Variants in AADACL3 observed in about 807,000 individuals in gnomAD.
AADACL3 encodes arylacetamide deacetylase like 3, also known as arylacetamide deacetylase-like 3.
In AADACL3, 13 loss-of-function variants were observed where a neutral mutation model predicts 13.6. The observed-to-expected ratio is 0.95, with a 90% CI of 0.62 to 1.52. AADACL3 has a LOEUF of 1.52. Among genes scored for constraint, AADACL3 ranks in the 40% most tolerant of loss-of-function variants. AADACL3 has a pLI of 0.00. For synonymous variants in AADACL3, 195 were observed against 197.0 expected (o/e 0.99, Z 0.08); for missense variants, 519 against 499.2 (o/e 1.04, Z -0.38).
At chr1:12,723,634 C>T (rs538446979) in intron 3 of AADACL3, among the ~76,000 whole-genome samples, 4 of 152,024 alleles carry the variant, frequency 2.6e-5, no homozygotes, top group African/African-American at 4.8e-5. Flanking sequence ...CACACCACCA[C>T]GCCTGGCTAA....
At chr1:12,717,122 C>A (rs187620180) in intron 1 of AADACL3, among the ~76,000 whole-genome samples, 1 of 152,160 alleles carries the variant, frequency 6.6e-6, no homozygotes, top group Admixed American at 6.5e-5. Flanking sequence ...TCTTACATAA[C>A]GAAAAGCAAT....
In AADACL3 at chr1:12,718,621, C is replaced by T. The variant is rs561313102; in HGVS notation, c.169-854C>T. On this transcript the variant is annotated intron_variant, in intron 1 of 3. Coordinates refer to ENST00000359318, the MANE Select transcript of AADACL3 (RefSeq NM_001103170.3). Reference sequence around the variant, plus strand: ...AAGAGATTCTTCTGCCTCAGCCTCTCGAGTAGCCGGGAATACAGGAGCCCA... The same window carrying T: ...AAGAGATTCTTCTGCCTCAGCCTCTTGAGTAGCCGGGAATACAGGAGCCCA... Among the ~76,000 whole-genome samples, 14 of 152,164 alleles carry T rather than the reference C, an allele frequency of 9.2e-5. No homozygotes were observed. In the East Asian group the frequency reaches 9.7e-4, roughly 10 times the overall value.
intron 1 of AADACL3, among the ~76,000 whole-genome samples, chr1:12,718,361 A>G (rs1281872181): frequency 1.1e-4 from 11 of 95,928 alleles, no homozygotes; most frequent in Non-Finnish European, 1.2e-4. Flanking sequence ...CTTCTCTCCA[A>G]AAAAAAAAAA....
In AADACL3 at chr1:12,719,562, G is replaced by A. The variant is rs78526061; in HGVS notation, c.256G>A (p.Asp86Asn). ...TCTGCCTCCGCTAAAGTATGACCCC[G>A]ATGTTGTGGTCACGGATTTCCGCTT... is the stretch of plus-strand genomic sequence containing the variant. ...QDLPPLKYDP[D>N]VVVTDFRFGT... The change falls in exon 2 of 4, where the codon GAT (aspartate) becomes AAT (asparagine). Residue 86 changes from aspartate to asparagine, a missense_variant. Coordinates refer to ENST00000359318, the MANE Select transcript of AADACL3 (RefSeq NM_001103170.3). 103 of 1,613,884 alleles carry A rather than the reference G, an allele frequency of 6.4e-5. No individual in the cohort carries two copies. The African/African-American group carries it at 9.2e-4, about 14-fold the overall frequency.
chr1:12,725,643 C>A lies in AADACL3; in HGVS notation c.871C>A (p.Pro291Thr). ...AAAGTGGTTGGGCCCAGAAAACATC[C>A]CTGAGAGGTTTAAGGAGAGGGGTTA... ...YRKWLGPENI[P>T]ERFKERGYQL... Residue 291 changes from proline to threonine, a missense_variant, in exon 4 of 4, where the codon CCT becomes ACT. Transcript: ENST00000359318. 1 of 1,614,016 alleles carries A rather than the reference C, an allele frequency of 6.2e-7. No individual in the cohort carries two copies. The highest frequency in any genetic ancestry group is 8.5e-7 in the Non-Finnish European group (1 of 1,179,988).
In AADACL3 at chr1:12,725,931, T is replaced by G. The variant is rs763142360; in HGVS notation, c.1159T>G (p.Phe387Val). The G allele has an allele frequency of 6.2e-7, 1 of 1,614,176 alleles. No individual in the cohort carries two copies. Among genetic ancestry groups the G allele is most frequent in the Non-Finnish European group, 8.5e-7 (1 of 1,180,026 alleles). ...HGVLRTIDMSFLHFPCSMRIL... is the reference protein window; with the variant it reads ...HGVLRTIDMSVLHFPCSMRIL... ...AGTGCTCAGGACCATTGACATGAGC[T>G]TCTTGCACTTTCCCTGCTCCATGAG... Residue 387 changes from phenylalanine to valine, a missense_variant, in exon 4 of 4, where the codon TTC becomes GTC. By Grantham distance (50) the Phe-to-Val change is conservative. Coordinates refer to ENST00000359318, the MANE Select transcript of AADACL3 (RefSeq NM_001103170.3).
At chr1:12,722,536 T>C (rs953267583) in intron 3 of AADACL3, among the ~76,000 whole-genome samples, 1 of 151,996 alleles carries the variant, frequency 6.6e-6, no homozygotes, top group Non-Finnish European at 1.5e-5. Context: ...CAGAAAGTTC[T>C]TTTCTAAATC....
At chr1:12,719,741 A>T in intron 2 of AADACL3, 50 bp downstream of exon 2, 1 of 1,537,314 alleles carries the variant, frequency 6.5e-7, no homozygotes, top group East Asian at 2.3e-5. Flanking sequence ...ACCCCTTAAC[A>T]TAACTTGGAA....
At chr1:12,719,739 A>G in intron 2 of AADACL3, 48 bp downstream of exon 2, 1 of 1,544,296 alleles carries the variant, frequency 6.5e-7, no homozygotes, top group Non-Finnish European at 8.9e-7. Flanking sequence ...GCACCCCTTA[A>G]CATAACTTGG....
chr1:12,718,491 C>T (rs1388320494), intron 1 of AADACL3, among the ~76,000 whole-genome samples: 6 of 151,836 alleles, frequency 4.0e-5, no homozygotes, highest in South Asian at 4.2e-4. Flanking sequence ...TCTTTATTTA[C>T]GTATTTTTAA....
Position 12,727,384 on chromosome 1 carries a change from G to A in AADACL3, c.*1388G>A, listed in dbSNP as rs915267764. The A allele has an allele frequency of 2.2e-4, 34 of 152,236 alleles. No individual in the cohort carries two copies. Among genetic ancestry groups the A allele is most frequent in the African/African-American group, 8.2e-4 (34 of 41,460 alleles). The allele number at this position is 152,236 out of a possible 1,614,324, so 9.4% of individuals were successfully genotyped here. ...GGACACCAACACTTATTCTACTACA[G>A]AAGCTAAATTGAACCCTCAGGCAGG... On this transcript the variant is annotated 3_prime_UTR_variant, in exon 4 of 4. Transcript: ENST00000359318.
intron 3 of AADACL3, among the ~76,000 whole-genome samples, chr1:12,723,111 A>G (rs760763573): frequency 6.6e-6 from 1 of 152,096 alleles, no homozygotes; most frequent in African/African-American, 2.4e-5. Context: ...AGCTCAGGCA[A>G]TCCTTCTTCC....
chr1:12,721,265 G>C (rs146587622), intron 3 of AADACL3, among the ~76,000 whole-genome samples: 35 of 152,172 alleles, frequency 2.3e-4, no homozygotes, highest in Middle Eastern at 3.4e-3. Flanking sequence ...AGCCAGGTGT[G>C]GTGGCATATG....
At chr1:12,725,157 T>C (rs1638338445) in intron 3 of AADACL3, 65 bp from the exon 4 acceptor site, 2 of 1,498,320 alleles carry the variant, frequency 1.3e-6, no homozygotes, top group Admixed American at 2.2e-5. Context: ...GGCTAAAAGA[T>C]GCTAGACGCT....
rs1638369153 is a variant in AADACL3 at position 12,726,287 on chromosome 1, A to G, written c.*291A>G. 3 of 423,048 alleles carry G rather than the reference A, an allele frequency of 7.1e-6. No homozygotes were observed. Among genetic ancestry groups the G allele is most frequent in the Admixed American group, 8.1e-5 (2 of 24,828 alleles). The allele number at this position is 423,048 out of a possible 1,614,324, so 26.2% of individuals were successfully genotyped here. A position where few individuals can be genotyped will look rare whatever the true frequency, so the allele number is the denominator to read the frequency against. ...CATTTGTGGGAGTGAATCAGCCGGT[A>G]AGAGCTGTTCTCAGCCTCCCTAAGG... On this transcript the variant is annotated 3_prime_UTR_variant, in exon 4 of 4. Transcript: ENST00000359318.
intron 3 of AADACL3, among the ~76,000 whole-genome samples, chr1:12,723,933 C>T (rs1471378183): frequency 6.6e-6 from 1 of 151,068 alleles, no homozygotes; most frequent in East Asian, 1.9e-4. Flanking sequence ...TACAGGCATG[C>T]ACCACCACGC....
At position 12,728,036 on chromosome 1, in the gene AADACL3, T is replaced by C. The variant is rs1638408928; in HGVS notation, c.*2040T>C. On this transcript the variant is annotated 3_prime_UTR_variant, in exon 4 of 4. Transcript: ENST00000359318. ...GGGCGCATGCCCATGGCAGCTTCCTTCTGCCGATCATGGGAGAAATCAAGC... is the reference window on the plus strand; with the variant it reads ...GGGCGCATGCCCATGGCAGCTTCCTCCTGCCGATCATGGGAGAAATCAAGC... The C allele has an allele frequency of 2.0e-5, 3 of 152,258 alleles. No homozygotes were observed. The highest frequency in any genetic ancestry group is 7.2e-5 in the African/African-American group (3 of 41,472). The allele number at this position is 152,258 out of a possible 1,614,324, so 9.4% of individuals were successfully genotyped here.
At chr1:12,718,852 T>A (rs549422674) in intron 1 of AADACL3, among the ~76,000 whole-genome samples, 2 of 152,298 alleles carry the variant, frequency 1.3e-5, no homozygotes, top group South Asian at 4.1e-4. Flanking sequence ...GGGAACAGGG[T>A]GCCCACTCTC....
At chr1:12,724,884 A>G (rs1638334622) in intron 3 of AADACL3, among the ~76,000 whole-genome samples, 2 of 152,246 alleles carry the variant, frequency 1.3e-5, no homozygotes, top group Non-Finnish European at 2.9e-5. Flanking sequence ...TGCTCATACA[A>G]GAATCATAAA....
Sources: allele counts gnomAD v4.1 joint callset (sites outside exome capture counted in the v4.1 genomes callset), GRCh38; gene constraint gnomAD v4.1.1; transcripts MANE v1.5; gene names NCBI Gene and HGNC (gene_info 2026-07-23, HGNC 2026-07-21).